Variants in FNDC3A observed in about 807,000 individuals in gnomAD.
The protein encoded by FNDC3A is fibronectin type-III domain-containing protein 3A.
A neutral mutation model predicts 148.9 loss-of-function variants in FNDC3A; 32 were observed. That is an observed-to-expected ratio of 0.21 (90% CI 0.16 to 0.29). The LOEUF is 0.29. FNDC3A is among the 10% of genes least tolerant of loss of function. FNDC3A has a pLI of 1.00. For synonymous variants in FNDC3A, 472 were observed against 473.6 expected (o/e 1.00, Z 0.04); for missense variants, 1,191 against 1,452.8 (o/e 0.82, Z 2.93).
At chr13:49,067,254 A>C (rs930840754) in intron 2 of FNDC3A, among the ~76,000 whole-genome samples, 6 of 152,254 alleles carry the variant, frequency 3.9e-5, no homozygotes, top group African/African-American at 7.2e-5. Flanking sequence ...AGATGTGCCT[A>C]CATTTATGCT....
rs1950791936 is a variant in FNDC3A, at chr13:49,209,042, C to T, written c.*1647C>T. 6.6e-6 allele frequency: 1 copy of T among 152,592 alleles called. No individual in the cohort carries two copies. The highest frequency in any genetic ancestry group is 2.4e-5 in the African/African-American group (1 of 41,428). The allele number at this position is 152,592 out of a possible 1,614,324, so 9.5% of individuals were successfully genotyped here. ...TCTAAGTGGTAAGAATGACCTGTCA[C>T]TATAATATACTGTATGTTTACATTT... On this transcript the variant is annotated 3_prime_UTR_variant, in exon 26 of 26. Transcript: ENST00000492622.
intron 1 of FNDC3A, among the ~76,000 whole-genome samples, chr13:48,999,524 T>A (rs1593453145): frequency 6.6e-6 from 1 of 152,280 alleles, no homozygotes; most frequent in African/African-American, 2.4e-5. Flanking sequence ...CCTTGGACTT[T>A]AGAGTTGATA....
intron 3 of FNDC3A, among the ~76,000 whole-genome samples, chr13:49,096,252 C>A (rs897378732): frequency 6.6e-6 from 1 of 152,028 alleles, no homozygotes; most frequent in South Asian, 2.1e-4. Context: ...ATGTTATTTT[C>A]TCTATGGCTC....
intron 1 of FNDC3A, among the ~76,000 whole-genome samples, chr13:48,979,753 G>T (rs1399702790): frequency 1.3e-5 from 2 of 152,042 alleles, no homozygotes; most frequent in Non-Finnish European, 2.9e-5. Flanking sequence ...TTTTTGTGTA[G>T]AGTGCTAGAT....
chr13:49,177,142 A>T (rs548886822), intron 13 of FNDC3A, among the ~76,000 whole-genome samples: 1 of 152,074 alleles, frequency 6.6e-6, no homozygotes, highest in South Asian at 2.1e-4. Context: ...GTTTTGTTTT[A>T]TTTGTGTGTG....
intron 8 of FNDC3A, among the ~76,000 whole-genome samples, chr13:49,153,600 A>G (rs201787071): frequency 6.4e-4 from 98 of 152,130 alleles, no homozygotes; most frequent in Non-Finnish European, 1.8e-4. Flanking sequence ...GCCCATGCCT[A>G]TGTCCTGAAT....
chr13:49,118,423 G>C (rs1047148587), intron 4 of FNDC3A, among the ~76,000 whole-genome samples: 1 of 152,142 alleles, frequency 6.6e-6, no homozygotes, highest in African/African-American at 2.4e-5. Context: ...CACAAAACTG[G>C]GCAGGCATTT....
chr13:49,174,283 C>CATAGATAT, intron 11 of FNDC3A, 152 bp from the exon 12 acceptor site: 1 of 583,940 alleles, frequency 1.7e-6, no homozygotes, highest in Non-Finnish European at 3.0e-6. Context: ...TGATCTATAT[C>CATAGATAT]ATATAAAAGA....
At chr13:49,103,817 T>C (rs1379570909) in intron 3 of FNDC3A, among the ~76,000 whole-genome samples, 1 of 152,176 alleles carries the variant, frequency 6.6e-6, no homozygotes, top group East Asian at 1.9e-4. Flanking sequence ...GGAGTGACTA[T>C]TGATGGAAAA....
chr13:49,061,279 C>G (rs2137737384), intron 2 of FNDC3A, among the ~76,000 whole-genome samples: 1 of 149,936 alleles, frequency 6.7e-6, no homozygotes, highest in South Asian at 2.1e-4. Context: ...TTGGCTTTTT[C>G]TTTTCTTTCC....
intron 9 of FNDC3A, 82 bp downstream of exon 9, chr13:49,167,385 G>A: frequency 2.6e-6 from 2 of 775,052 alleles, no homozygotes; most frequent in East Asian, 2.9e-5. Flanking sequence ...TAAAAATCTA[G>A]TATATAATTT....
chr13:49,033,067 G>C (rs938814366), intron 2 of FNDC3A, among the ~76,000 whole-genome samples: 5 of 152,022 alleles, frequency 3.3e-5, no homozygotes, highest in Non-Finnish European at 7.4e-5. Context: ...GTTATTTCTA[G>C]GTGTATGGGA....
In FNDC3A at chr13:49,167,291, A is replaced by G; in HGVS notation, c.1025A>G (p.Asp342Gly). The G allele has an allele frequency of 6.2e-7, 1 of 1,602,538 alleles. No individual in the cohort carries two copies. Among genetic ancestry groups the G allele is most frequent in the South Asian group, 1.1e-5 (1 of 88,994 alleles). The change falls in exon 9 of 26, where the codon GAT becomes GGT. Residue 342 changes from aspartate (D) to glycine (G), a missense_variant. Transcript: ENST00000492622. ...ITLNDLKPAM[D>G]YHAKVQAEYN... ...TTAAATGATCTCAAGCCAGCCATGG[A>G]TTACCATGCAAAGTAAGGAATTCCT... is the stretch of plus-strand genomic sequence containing the variant.
chr13:48,996,588 A>G (rs1952028378), intron 1 of FNDC3A, among the ~76,000 whole-genome samples: 4 of 152,238 alleles, frequency 2.6e-5, no homozygotes, highest in South Asian at 2.1e-4. Flanking sequence ...TGCAAATACT[A>G]CAACATTTAT....
chr13:49,180,196 A>G lies in FNDC3A; in HGVS notation c.1617+1542A>G, dbSNP rs1258799190. On this transcript the variant is annotated intron_variant, in intron 14 of 25. Transcript: ENST00000492622. ...TCTAACTTCCTTCATCATCAGTGAG[A>G]AACTTTGCTCATTAGTTGATAAATT... is the stretch of plus-strand genomic sequence containing the variant. 1.1e-4 allele frequency among the ~76,000 whole-genome samples: 17 copies of G among 152,298 alleles called. 1 individual carries two copies. The East Asian group carries it at 3.3e-3, about 29-fold the overall frequency.
At chr13:49,024,502 C>G (rs2137649305) in intron 2 of FNDC3A, among the ~76,000 whole-genome samples, 1 of 151,930 alleles carries the variant, frequency 6.6e-6, no homozygotes, top group Admixed American at 6.6e-5. Flanking sequence ...CAAACTGAAT[C>G]CAACAATTCA....
chr13:49,019,397 A>T (rs191943343), intron 2 of FNDC3A, among the ~76,000 whole-genome samples: 1 of 152,154 alleles, frequency 6.6e-6, no homozygotes, highest in Non-Finnish European at 1.5e-5. Flanking sequence ...TTCTTTGACT[A>T]GGAAAGGGAA....
At chr13:49,036,955 A>C (rs1874535412) in intron 2 of FNDC3A, among the ~76,000 whole-genome samples, 1 of 152,226 alleles carries the variant, frequency 6.6e-6, no homozygotes, top group African/African-American at 2.4e-5. Flanking sequence ...ATTGACCATT[A>C]GAACACTACA....
intron 19 of FNDC3A, 58 bp from the exon 20 acceptor site, chr13:49,196,819 C>A (rs1376999560): frequency 1.2e-6 from 1 of 846,246 alleles, no homozygotes; most frequent in Non-Finnish European, 1.9e-6. Context: ...CAGTTCTGTG[C>A]AATCAGTGGA....
Sources: allele counts gnomAD v4.1 joint callset (sites outside exome capture counted in the v4.1 genomes callset), GRCh38; gene constraint gnomAD v4.1.1; transcripts MANE v1.5; gene names NCBI Gene and HGNC (gene_info 2026-07-23, HGNC 2026-07-21).